Variants in PLCXD3 observed in about 807,000 individuals in gnomAD.
PLCXD3 encodes the protein phosphatidylinositol specific phospholipase C X domain containing 3.
In PLCXD3, 19 loss-of-function variants were observed where a neutral mutation model predicts 25.5. The ratio of observed to expected loss-of-function variants is 0.75; its 90% CI spans 0.52 to 1.09. The LOEUF (loss-of-function observed/expected upper bound fraction) is 1.09, where lower values mean the gene tolerates loss of function less well. PLCXD3 is among the 50% of genes least tolerant of loss of function. PLCXD3 has a pLI of 0.00. For synonymous variants in PLCXD3, 174 were observed against 137.6 expected (o/e 1.26, Z -1.85); for missense variants, 411 against 388.1 (o/e 1.06, Z -0.50).
chr5:41,372,296 TCTCACACACACACACACA>T (rs1352995341), intron 2 of PLCXD3, among the ~76,000 whole-genome samples: 8 of 132,748 alleles, frequency 6.0e-5, no homozygotes, highest in South Asian at 4.5e-4. Context: ...TCTCTCTCTC[TCTCACACACACACACACA>T]CACACACACA....
chr5:41,470,772 A>AAAAAG (rs1341334610), intron 1 of PLCXD3, among the ~76,000 whole-genome samples: 2 of 152,194 alleles, frequency 1.3e-5, no homozygotes, highest in Admixed American at 6.5e-5. Flanking sequence ...ACTCCTGAGA[A>AAAAAG]AAAAGAAAAG....
chr5:41,493,906 C>T (rs915481854), intron 1 of PLCXD3, among the ~76,000 whole-genome samples: 1 of 152,206 alleles, frequency 6.6e-6, no homozygotes, highest in African/African-American at 2.4e-5. Context: ...GACAATGCCT[C>T]GCCCTGCTTC....
At chr5:41,469,529 C>T (rs1287133945) in intron 1 of PLCXD3, among the ~76,000 whole-genome samples, 2 of 151,168 alleles carry the variant, frequency 1.3e-5, no homozygotes, top group Admixed American at 6.6e-5. Flanking sequence ...GTTTCAATCC[C>T]TTATTTGTTA....
At chr5:41,501,351 T>C (rs1159691880) in intron 1 of PLCXD3, among the ~76,000 whole-genome samples, 2 of 152,052 alleles carry the variant, frequency 1.3e-5, no homozygotes, top group Admixed American at 6.6e-5. Context: ...TGTACTATTA[T>C]TCAGTCATAA....
chr5:41,339,953 C>T (rs1166692742), intron 2 of PLCXD3, among the ~76,000 whole-genome samples: 6 of 152,156 alleles, frequency 3.9e-5, no homozygotes, highest in African/African-American at 9.7e-5. Flanking sequence ...GAAAGACACT[C>T]GCCATAGAGA....
At chr5:41,457,571 A>G (rs968138034) in intron 1 of PLCXD3, among the ~76,000 whole-genome samples, 1 of 151,904 alleles carries the variant, frequency 6.6e-6, no homozygotes, top group Admixed American at 6.6e-5. Context: ...CCTCAGATAC[A>G]ATACTGGGAG....
chr5:41,383,870 A>T (rs973106872), intron 1 of PLCXD3, among the ~76,000 whole-genome samples: 18 of 152,008 alleles, frequency 1.2e-4, no homozygotes, highest in South Asian at 6.2e-4. Context: ...TTTTTCAGTG[A>T]TGCAATATAT....
At chr5:41,404,175 T>C (rs528059864) in intron 1 of PLCXD3, among the ~76,000 whole-genome samples, 3 of 152,238 alleles carry the variant, frequency 2.0e-5, no homozygotes, top group East Asian at 3.9e-4. Flanking sequence ...TTACAGTCAG[T>C]CAGTAACTCA....
Position 41,456,012 on chromosome 5 carries a change from T to C in PLCXD3, c.103+54412A>G, listed in dbSNP as rs74958953. 4.4e-3 allele frequency among the ~76,000 whole-genome samples: 670 copies of C among 151,924 alleles called. 9 individuals are homozygous for C. The highest frequency in any genetic ancestry group is 0.015 in the African/African-American group (640 of 41,452). On this transcript the variant is annotated intron_variant, in intron 1 of 2. Coordinates refer to ENST00000377801, the MANE Select transcript of PLCXD3 (RefSeq NM_001005473.3). ...TACTACTGCTGGTAGTATGGTACAGTGATAGATGGAGTCTGGAGTAAAAAA... is the reference window on the plus strand; with the variant it reads ...TACTACTGCTGGTAGTATGGTACAGCGATAGATGGAGTCTGGAGTAAAAAA...
chr5:41,430,954 C>A (rs1747084631), intron 1 of PLCXD3, among the ~76,000 whole-genome samples: 1 of 152,164 alleles, frequency 6.6e-6, no homozygotes, highest in South Asian at 2.1e-4. Context: ...AGTATTCTTT[C>A]CCAGCTTTGA....
rs551509225 is a variant in PLCXD3, at chr5:41,417,595, G to A, written c.104-35061C>T. 2.6e-5 allele frequency among the ~76,000 whole-genome samples: 4 copies of A among 152,334 alleles called. No individual in the cohort carries two copies. In the South Asian group the frequency reaches 8.3e-4, roughly 32 times the overall value. On this transcript the variant is annotated intron_variant, in intron 1 of 2. Coordinates refer to ENST00000377801, the MANE Select transcript of PLCXD3 (RefSeq NM_001005473.3). ...TCTCAAGGGAGGAAAGAAAATCCTGGAACAGAATAACACATTGATATTAAC... is the reference window on the plus strand; with the variant it reads ...TCTCAAGGGAGGAAAGAAAATCCTGAAACAGAATAACACATTGATATTAAC...
chr5:41,491,478 C>T (rs1748669103), intron 1 of PLCXD3, among the ~76,000 whole-genome samples: 1 of 152,132 alleles, frequency 6.6e-6, no homozygotes, highest in Non-Finnish European at 1.5e-5. Context: ...AGTTCAATTC[C>T]TGGGTATCCT....
chr5:41,393,324 A>G (rs1330644922), intron 1 of PLCXD3, among the ~76,000 whole-genome samples: 1 of 152,194 alleles, frequency 6.6e-6, no homozygotes, highest in South Asian at 2.1e-4. Context: ...ACCAAGAAAA[A>G]AAATAAATAA....
At chr5:41,374,671 T>C (rs1384883929) in intron 2 of PLCXD3, among the ~76,000 whole-genome samples, 1 of 151,976 alleles carries the variant, frequency 6.6e-6, no homozygotes, top group Non-Finnish European at 1.5e-5. Flanking sequence ...TTGTAAATAA[T>C]GATTATTGGA....
At chr5:41,325,216 T>C (rs1233778239) in intron 2 of PLCXD3, among the ~76,000 whole-genome samples, 1 of 152,210 alleles carries the variant, frequency 6.6e-6, no homozygotes, top group Non-Finnish European at 1.5e-5. Context: ...ATTTAAAATA[T>C]CATTCCTCTG....
chr5:41,321,396 C>G (rs1393086537), intron 2 of PLCXD3, among the ~76,000 whole-genome samples: 2 of 151,928 alleles, frequency 1.3e-5, no homozygotes, highest in Non-Finnish European at 2.9e-5. Context: ...TGAAAGAGCT[C>G]TATAATGAAA....
At chr5:41,469,204 T>C (rs116809573) in intron 1 of PLCXD3, among the ~76,000 whole-genome samples, 2,258 of 152,310 alleles carry the variant, frequency 0.015, 54 homozygotes, top group African/African-American at 0.048. Flanking sequence ...ATTGAACCAT[T>C]TTTGCTTCTT....
chr5:41,462,852 T>C (rs1474045223), intron 1 of PLCXD3, among the ~76,000 whole-genome samples: 1 of 151,714 alleles, frequency 6.6e-6, no homozygotes, highest in Non-Finnish European at 1.5e-5. Flanking sequence ...GAGATGAGAA[T>C]TAAAACTGCC....
intron 2 of PLCXD3, among the ~76,000 whole-genome samples, chr5:41,358,895 A>G (rs1425365356): frequency 6.6e-6 from 1 of 152,140 alleles, no homozygotes. Flanking sequence ...TATCCCTTGT[A>G]TGCCATTTTT....
Sources: allele counts gnomAD v4.1 joint callset (sites outside exome capture counted in the v4.1 genomes callset), GRCh38; gene constraint gnomAD v4.1.1; transcripts MANE v1.5; gene names NCBI Gene and HGNC (gene_info 2026-07-23, HGNC 2026-07-21).